Variants in CERS4 observed in about 807,000 individuals in gnomAD.
CERS4 encodes LAG1 homolog, ceramide synthase 4.
In CERS4, 65 loss-of-function variants were observed where a neutral mutation model predicts 51.8. The ratio of observed to expected loss-of-function variants is 1.26; its 90% confidence interval spans 1.03 to 1.54. The LOEUF is 1.54. Among genes scored for constraint, CERS4 ranks in the 40% most tolerant of loss-of-function variants. The probability of loss-of-function intolerance (pLI) is 0.00; values close to 1 mark genes in which losing one functional copy is unlikely to be tolerated. For synonymous variants in CERS4, 228 were observed against 208.4 expected, an observed-to-expected ratio of 1.09 and a Z score of -0.81; for missense variants, 563 against 500.4, an observed-to-expected ratio of 1.13 and a Z score of -1.19.
At chr19:8,254,435 C>T in intron 3 of CERS4, 64 bp from the exon 4 acceptor site, 3 of 1,487,376 alleles carry the variant, frequency 2.0e-6, no homozygotes, top group Non-Finnish European at 2.8e-6. Context: ...GCATGTCTGC[C>T]CCCACACACA....
chr19:8,217,289 C>T lies in CERS4; in HGVS notation c.-2+6427C>T, dbSNP rs72997318. ...ACCCCTCATTCAGTGGGGAGACAGA[C>T]GTGTCTTTGGGCAGTTACAAGGCAG... is the stretch of plus-strand genomic sequence containing the variant. On this transcript the variant is annotated intron_variant, in intron 2 of 11. Transcript: ENST00000251363. Among the ~76,000 whole-genome samples, 1,250 of 152,116 alleles carry T rather than the reference C, an allele frequency of 8.2e-3. 13 individuals carry two copies. Among genetic ancestry groups the T allele is most frequent in the Middle Eastern group, 0.014 (4 of 294 alleles).
intron 2 of CERS4, among the ~76,000 whole-genome samples, chr19:8,218,135 T>G (rs1486663303): frequency 6.6e-6 from 1 of 152,062 alleles, no homozygotes; most frequent in African/African-American, 2.4e-5. Flanking sequence ...CAGCTAATTT[T>G]TGTATTTTTA....
At chr19:8,237,368 A>G (rs527698442) in intron 2 of CERS4, among the ~76,000 whole-genome samples, 1 of 152,114 alleles carries the variant, frequency 6.6e-6, no homozygotes, top group South Asian at 2.1e-4. Context: ...CCTGGCCAAC[A>G]TTGTGAAACC....
At chr19:8,241,060 G>A (rs1053410887) in intron 2 of CERS4, among the ~76,000 whole-genome samples, 2 of 152,124 alleles carry the variant, frequency 1.3e-5, no homozygotes, top group African/African-American at 2.4e-5. Context: ...TGCCACCCAC[G>A]CGGTGGCTCT....
chr19:8,251,395 A>AGCC (rs1370204797), intron 3 of CERS4, 146 bp downstream of exon 3: 6 of 1,365,282 alleles, frequency 4.4e-6, no homozygotes, highest in Non-Finnish European at 5.7e-6. Context: ...GCCTGCCCCC[A>AGCC]GCCGCCACCA....
intron 2 of CERS4, among the ~76,000 whole-genome samples, chr19:8,232,612 G>A (rs539917551): frequency 2.1e-4 from 32 of 152,126 alleles, no homozygotes; most frequent in African/African-American, 7.2e-4. Context: ...TACAATGATG[G>A]AAATGTTCCA....
In CERS4 at chr19:8,261,838, G is replaced by T. The variant is rs1240067521; in HGVS notation, c.999G>T (p.Lys333Asn). 1.2e-6 allele frequency: 2 copies of T among 1,614,182 alleles called. No homozygotes were observed. The highest frequency in any genetic ancestry group is 1.7e-6 in the Non-Finnish European group (2 of 1,180,020). The change falls in exon 11 of 12, where the codon AAG (lysine) becomes AAT (asparagine). Residue 333 changes from lysine (K) to asparagine (N), a missense_variant. Transcript: ENST00000251363. ...ILRMLYSFMK[K>N]GQMEKDIRSD... ...GCATGCTCTATAGCTTCATGAAGAA[G>T]GGCCAGGTATGGCTGGACCTCCCCG...
At chr19:8,261,890 C>CCT in intron 11 of CERS4, 40 bp from the exon 12 acceptor site, 1 of 1,612,586 alleles carries the variant, frequency 6.2e-7, no homozygotes. Flanking sequence ...GCTCCTCCTT[C>CCT]CTCCCTGCTC....
At chr19:8,245,345 G>A (rs893401613) in intron 2 of CERS4, among the ~76,000 whole-genome samples, 2 of 151,830 alleles carry the variant, frequency 1.3e-5, no homozygotes, top group African/African-American at 4.8e-5. Flanking sequence ...CAAACTCTTG[G>A]GCTTAAGCAA....
At chr19:8,254,026 A>C (rs1332558362) in intron 3 of CERS4, among the ~76,000 whole-genome samples, 10 of 152,044 alleles carry the variant, frequency 6.6e-5, no homozygotes, top group African/African-American at 1.4e-4. Context: ...ATGGAAAAGA[A>C]AGACCAAGTC....
At chr19:8,226,199 C>CT (rs1329392553) in intron 2 of CERS4, among the ~76,000 whole-genome samples, 1 of 151,686 alleles carries the variant, frequency 6.6e-6, no homozygotes, top group East Asian at 1.9e-4. Context: ...AAGACTCTGT[C>CT]TTAAAAAAAA....
intron 7 of CERS4, 28 bp from the exon 8 acceptor site, chr19:8,256,590 C>G: frequency 6.3e-7 from 1 of 1,594,696 alleles, no homozygotes; most frequent in African/African-American, 1.3e-5. Flanking sequence ...TCGCTCCCCA[C>G]AGCTAACCTT....
chr19:8,221,713 T>G (rs115789235), intron 2 of CERS4, among the ~76,000 whole-genome samples: 5,672 of 151,000 alleles, frequency 0.038, 158 homozygotes, highest in Non-Finnish European at 0.053. Context: ...TTTTGTATTA[T>G]TAGTAGAGAC....
intron 3 of CERS4, among the ~76,000 whole-genome samples, chr19:8,251,663 T>C (rs1042952751): frequency 1.3e-5 from 2 of 150,846 alleles, no homozygotes. Context: ...AATACAAAAA[T>C]TAGCTGGGCG....
chr19:8,234,285 G>A (rs1479170592), intron 2 of CERS4, among the ~76,000 whole-genome samples: 1 of 152,078 alleles, frequency 6.6e-6, no homozygotes, highest in Non-Finnish European at 1.5e-5. Flanking sequence ...CAGCCTGGGC[G>A]ACAGAGTGAG....
intron 6 of CERS4, 109 bp downstream of exon 6, chr19:8,255,988 T>C: frequency 1.6e-6 from 2 of 1,259,724 alleles, no homozygotes; most frequent in Admixed American, 1.8e-5. Flanking sequence ...AACATGCAGC[T>C]GAGGAGAGAG....
At chr19:8,216,395 A>T (rs2145164272) in intron 2 of CERS4, among the ~76,000 whole-genome samples, 1 of 151,172 alleles carries the variant, frequency 6.6e-6, no homozygotes, top group Non-Finnish European at 1.5e-5. Context: ...AAAAAAAAAA[A>T]GAAAATTACA....
chr19:8,237,582 G>A (rs1280877199), intron 2 of CERS4, among the ~76,000 whole-genome samples: 1 of 151,968 alleles, frequency 6.6e-6, no homozygotes, highest in African/African-American at 2.4e-5. Context: ...CAGGCATGGT[G>A]GCTTATGCCT....
At chr19:8,257,202 C>A in intron 9 of CERS4, 125 bp downstream of exon 9, 1 of 1,029,906 alleles carries the variant, frequency 9.7e-7, no homozygotes, top group African/African-American at 1.6e-5. Context: ...CTGTCTTTCT[C>A]GGGTGATGAG....
Sources: allele counts gnomAD v4.1 joint callset (sites outside exome capture counted in the v4.1 genomes callset), GRCh38; gene constraint gnomAD v4.1.1; transcripts MANE v1.5; gene names NCBI Gene and HGNC (gene_info 2026-07-23, HGNC 2026-07-21).